PTPRN2: variants seen among roughly 807,000 people sequenced by gnomAD.
PTPRN2 encodes the protein protein tyrosine phosphatase receptor type N2, also known as receptor-type tyrosine-protein phosphatase N2.
PTPRN2 carries 74 observed loss-of-function variants against 118.8 expected under a neutral mutation model. The observed-to-expected ratio is 0.62, with a 90% CI of 0.52 to 0.76. PTPRN2 has a LOEUF of 0.76. PTPRN2 is among the 30% of genes least tolerant of loss of function. The pLI, the probability that PTPRN2 is intolerant of heterozygous loss-of-function variation, is 0.00. For synonymous variants in PTPRN2, 641 were observed against 608.0 expected (o/e 1.05, Z -0.80); for missense variants, 1,481 against 1,394.4 (o/e 1.06, Z -0.99).
At chr7:157,992,888 G>A (rs1189126763) in intron 11 of PTPRN2, among the ~76,000 whole-genome samples, 2 of 152,260 alleles carry the variant, frequency 1.3e-5, no homozygotes, top group Non-Finnish European at 1.5e-5. Flanking sequence ...TTTTGCCCAC[G>A]CAGGCCCCTT....
chr7:158,132,756 G>GCACATACA (rs754243236), intron 9 of PTPRN2, among the ~76,000 whole-genome samples: 2,126 of 147,400 alleles, frequency 0.014, 45 homozygotes, highest in African/African-American at 0.043. Flanking sequence ...ATACACACAC[G>GCACATACA]CACATACACA....
chr7:158,103,067 C>G (rs974041278), intron 10 of PTPRN2, among the ~76,000 whole-genome samples: 1 of 152,182 alleles, frequency 6.6e-6, no homozygotes, highest in African/African-American at 2.4e-5. Flanking sequence ...CAGACATGCA[C>G]CCGTCCCTGT....
rs1025079133 is a variant in PTPRN2 at position 157,676,119 on chromosome 7, G to A, written c.2001+6606C>T. ...CTCAAAGAGCTGACCTCTCTGGGCC[G>A]GCACACAACTTGCAGCCGAGTCCTT... On this transcript the variant is annotated intron_variant, in intron 13 of 22. Transcript: ENST00000389418. This position sits in a 1 kb window ranked among gnomAD's most constrained non-coding sequence, Gnocchi z 5.6. Among the ~76,000 whole-genome samples, 6 of 151,978 alleles carry A rather than the reference G, an allele frequency of 3.9e-5. No homozygotes were observed. Among genetic ancestry groups the A allele is most frequent in the Admixed American group, 6.6e-5 (1 of 15,252 alleles).
intron 12 of PTPRN2, among the ~76,000 whole-genome samples, chr7:157,691,865 C>A (rs544145786): frequency 6.6e-6 from 1 of 152,176 alleles, no homozygotes; most frequent in Non-Finnish European, 1.5e-5. Flanking sequence ...GCACCTCCCC[C>A]CCGCGCCTCC....
chr7:158,087,750 A>G (rs201755422), intron 10 of PTPRN2, among the ~76,000 whole-genome samples: 1 of 108,626 alleles, frequency 9.2e-6, no homozygotes, highest in Non-Finnish European at 2.0e-5. Context: ...TGAAAGAGGG[A>G]GTCTTCACAC....
chr7:157,720,629 G>A (rs894088573), intron 12 of PTPRN2, among the ~76,000 whole-genome samples: 1 of 152,344 alleles, frequency 6.6e-6, no homozygotes, highest in South Asian at 2.1e-4. Flanking sequence ...TGGCTTCCAC[G>A]AGCTACCTCT....
At chr7:158,237,894 G>A (rs950751971) in intron 3 of PTPRN2, among the ~76,000 whole-genome samples, 5 of 152,048 alleles carry the variant, frequency 3.3e-5, no homozygotes, top group East Asian at 3.9e-4. Context: ...CTTCCCTCAC[G>A]CTGAGCTCAG....
chr7:157,726,467 G>A (rs139502852), intron 12 of PTPRN2, among the ~76,000 whole-genome samples: 174 of 152,308 alleles, frequency 1.1e-3, no homozygotes, highest in Non-Finnish European at 2.3e-3. Flanking sequence ...CCTCCCACCC[G>A]AGCGTGCGCT....
chr7:157,923,450 G>A (rs990208136), intron 11 of PTPRN2, among the ~76,000 whole-genome samples: 5 of 152,214 alleles, frequency 3.3e-5, no homozygotes, highest in East Asian at 1.9e-4. Flanking sequence ...TTCCCCTCGC[G>A]AGGCAGAGCA....
At chr7:157,576,491 C>T in intron 19 of PTPRN2, 122 bp downstream of exon 19, 1 of 1,054,048 alleles carries the variant, frequency 9.5e-7, no homozygotes, top group East Asian at 2.7e-5. Flanking sequence ...TTCCCCTCCC[C>T]CCTGCGGCGC....
chr7:157,802,660 T>C (rs1805387577), intron 12 of PTPRN2, among the ~76,000 whole-genome samples: 1 of 152,192 alleles, frequency 6.6e-6, no homozygotes, highest in African/African-American at 2.4e-5. Context: ...CATACTGTTT[T>C]CCATAATGGT....
intron 4 of PTPRN2, among the ~76,000 whole-genome samples, chr7:158,195,614 G>A (rs984381247): frequency 1.8e-5 from 2 of 113,204 alleles, no homozygotes; most frequent in Non-Finnish European, 3.5e-5. Flanking sequence ...GCTCACTGGT[G>A]TTTTTTATTT....
chr7:157,669,256 C>G (rs1217833484), intron 13 of PTPRN2, among the ~76,000 whole-genome samples: 4 of 152,354 alleles, frequency 2.6e-5, no homozygotes, highest in African/African-American at 9.6e-5. Context: ...AGTCAGGGCC[C>G]CGGCAGCCGA....
At chr7:158,207,293 G>A (rs1473695122) in intron 3 of PTPRN2, among the ~76,000 whole-genome samples, 1 of 149,064 alleles carries the variant, frequency 6.7e-6, no homozygotes, top group Non-Finnish European at 1.5e-5. Context: ...CTTTATAGCA[G>A]CATGATTTAT....
chr7:158,561,707 C>G (rs560185802), intron 1 of PTPRN2, among the ~76,000 whole-genome samples: 41 of 152,206 alleles, frequency 2.7e-4, no homozygotes, highest in African/African-American at 9.9e-4. Context: ...TCCTGAATGA[C>G]TCAAAAGCAT....
At chr7:158,264,751 GA>G (rs1280130317) in intron 3 of PTPRN2, among the ~76,000 whole-genome samples, 4 of 152,190 alleles carry the variant, frequency 2.6e-5, no homozygotes, top group Non-Finnish European at 5.9e-5. Context: ...AGTGTGCACT[GA>G]AAACTGCCCC....
rs1420111193 is a variant in PTPRN2 at position 157,934,244 on chromosome 7, G to A, written c.1724-35507C>T. ...CCTATCTTGTGGTGAGAGCTATTCT[G>A]TGGTTCTCCAGAATATCGGCCGCTC... On this transcript the variant is annotated intron_variant, in intron 11 of 22. Transcript: ENST00000389418. Among the ~76,000 whole-genome samples the A allele has an allele frequency of 2.6e-5, 4 of 152,326 alleles. No homozygotes were observed. The East Asian group carries it at 7.7e-4, about 29-fold the overall frequency.
intron 11 of PTPRN2, among the ~76,000 whole-genome samples, chr7:157,931,764 C>A (rs981307114): frequency 6.6e-6 from 1 of 151,970 alleles, no homozygotes; most frequent in Non-Finnish European, 1.5e-5. Context: ...GCATAGACTG[C>A]GGTCTGGGCT....
At chr7:157,879,413 A>G (rs1223542369) in intron 12 of PTPRN2, among the ~76,000 whole-genome samples, 1 of 152,156 alleles carries the variant, frequency 6.6e-6, no homozygotes, top group African/African-American at 2.4e-5. Context: ...GCACACGTGC[A>G]CGCACACACA....
Sources: allele counts gnomAD v4.1 joint callset (sites outside exome capture counted in the v4.1 genomes callset), GRCh38; gene constraint gnomAD v4.1.1; non-coding constraint Gnocchi (gnomAD v3.1); transcripts MANE v1.5; gene names NCBI Gene and HGNC (gene_info 2026-07-23, HGNC 2026-07-21).